The following ROBO2 variants were observed in gnomAD, a reference collection of about 807,000 sequenced individuals.
ROBO2 encodes roundabout homolog 2.
Under a neutral mutation model 160.8 loss-of-function variants are expected in ROBO2, and 53 were observed. The observed-to-expected ratio is 0.33, with a 90% confidence interval of 0.26 to 0.41. ROBO2 has a LOEUF of 0.41. Among genes scored for constraint, ROBO2 ranks in the 10% least tolerant of loss-of-function variants. The pLI is 1.00. For synonymous variants in ROBO2, 664 were observed against 611.7 expected (o/e 1.09, Z -1.26); for missense variants, 1,577 against 1,722.4 (o/e 0.92, Z 1.49).
intron 2 of ROBO2, among the ~76,000 whole-genome samples, chr3:77,287,531 G>C: frequency 6.6e-6 from 1 of 152,076 alleles, no homozygotes; most frequent in East Asian, 1.9e-4. Context: ...CTTGAAGCAC[G>C]TATTATTTCT....
At chr3:77,612,260 T>A (rs951681511) in intron 21 of ROBO2, among the ~76,000 whole-genome samples, 1 of 152,202 alleles carries the variant, frequency 6.6e-6, no homozygotes, top group Non-Finnish European at 1.5e-5. Flanking sequence ...TCAAATAAGA[T>A]GTATATCTGT....
At chr3:76,611,037 C>T (rs1472216679) in intron 2 of ROBO2, among the ~76,000 whole-genome samples, 1 of 152,114 alleles carries the variant, frequency 6.6e-6, no homozygotes, top group Non-Finnish European at 1.5e-5. Flanking sequence ...TTATGCTGGA[C>T]TTAGAACGGT....
chr3:76,773,888 T>G (rs1437008628), intron 2 of ROBO2, among the ~76,000 whole-genome samples: 1 of 150,856 alleles, frequency 6.6e-6, no homozygotes, highest in Non-Finnish European at 1.5e-5. Flanking sequence ...GGGACCTTAA[T>G]AACATGAGCT....
intron 2 of ROBO2, among the ~76,000 whole-genome samples, chr3:76,294,665 A>G (rs1448244998): frequency 1.3e-5 from 2 of 152,226 alleles, no homozygotes; most frequent in Non-Finnish European, 1.5e-5. Flanking sequence ...AGGAACTGTC[A>G]ATTACTTTTT....
chr3:76,981,838 A>G (rs2060115581), intron 2 of ROBO2, among the ~76,000 whole-genome samples: 1 of 152,080 alleles, frequency 6.6e-6, no homozygotes, highest in African/African-American at 2.4e-5. Flanking sequence ...AACAGGGGCA[A>G]GAGAGAGAGC....
At chr3:76,668,395 G>A (rs7653496) in intron 2 of ROBO2, among the ~76,000 whole-genome samples, 67,449 of 151,866 alleles carry the variant, frequency 0.44, 15,473 homozygotes, top group African/African-American at 0.55. Context: ...GGCTGCACCC[G>A]GCCCTTAAAT....
chr3:77,113,413 A>C (rs2073875839), intron 2 of ROBO2, among the ~76,000 whole-genome samples: 2 of 152,218 alleles, frequency 1.3e-5, no homozygotes, highest in African/African-American at 4.8e-5. Flanking sequence ...CTAAGTACTT[A>C]TTTGGTTCTT....
intron 2 of ROBO2, among the ~76,000 whole-genome samples, chr3:77,440,535 C>T (rs1172832347): frequency 2.6e-5 from 4 of 151,862 alleles, no homozygotes; most frequent in African/African-American, 9.7e-5. Context: ...TATCTTAGCC[C>T]ATATATATGG....
chr3:76,588,520 T>C (rs2086206166), intron 2 of ROBO2, among the ~76,000 whole-genome samples: 1 of 152,182 alleles, frequency 6.6e-6, no homozygotes, highest in South Asian at 2.1e-4. Context: ...TTGAAAAGCA[T>C]TTCAAAAAGA....
chr3:77,224,286 G>T (rs565705869), intron 2 of ROBO2, among the ~76,000 whole-genome samples: 56 of 152,042 alleles, frequency 3.7e-4, no homozygotes, highest in African/African-American at 1.3e-3. Flanking sequence ...GAAAGGCATT[G>T]AACATAGTTT....
intron 2 of ROBO2, among the ~76,000 whole-genome samples, chr3:76,517,826 C>T (rs1015746547): frequency 6.6e-6 from 1 of 152,052 alleles, no homozygotes. Flanking sequence ...CTTTTCCTCT[C>T]CTTGTGGAGA....
At chr3:77,419,888 T>C (rs75362074) in intron 2 of ROBO2, among the ~76,000 whole-genome samples, 2,339 of 152,236 alleles carry the variant, frequency 0.015, 62 homozygotes, top group African/African-American at 0.053. Context: ...ACCACCATAG[T>C]GTATTCCTGA....
At chr3:76,308,137 G>T (rs1697392242) in intron 2 of ROBO2, among the ~76,000 whole-genome samples, 2 of 152,238 alleles carry the variant, frequency 1.3e-5, no homozygotes, top group South Asian at 4.2e-4. Context: ...CCAGCACTTT[G>T]GGAGGCCAAG....
At position 76,983,972 on chromosome 3, in the gene ROBO2, T is replaced by C. The variant is rs972690323; in HGVS notation, c.110-114042T>C. 3.1e-4 allele frequency among the ~76,000 whole-genome samples: 47 copies of C among 152,306 alleles called. 1 individual carries two copies. Among genetic ancestry groups the C allele is most frequent in the African/African-American group, 1.1e-3 (46 of 41,568 alleles). On this transcript the variant is annotated intron_variant, in intron 2 of 26. Transcript: ENST00000487694. ...AGGAAACTTAACAATCATGGCAGAA[T>C]GCAAAGGAGACGCAGGCACCTTGTT...
intron 5 of ROBO2, among the ~76,000 whole-genome samples, chr3:77,515,194 G>A (rs1036248323): frequency 5.3e-5 from 8 of 151,666 alleles, no homozygotes; most frequent in African/African-American, 1.9e-4. Context: ...GACACTTAAG[G>A]TAAATATTCA....
intron 2 of ROBO2, among the ~76,000 whole-genome samples, chr3:76,287,456 C>T (rs1030156939): frequency 9.9e-5 from 15 of 151,820 alleles, no homozygotes; most frequent in East Asian, 1.9e-4. Context: ...CCACCATGCC[C>T]GAATAATTTT....
chr3:76,718,200 T>C (rs1454022924), intron 2 of ROBO2, among the ~76,000 whole-genome samples: 2 of 152,208 alleles, frequency 1.3e-5, no homozygotes, highest in Non-Finnish European at 1.5e-5. Flanking sequence ...AGGATTTTTG[T>C]GACATCCATC....
chr3:76,304,089 G>A (rs1475569992), intron 2 of ROBO2, among the ~76,000 whole-genome samples: 1 of 152,154 alleles, frequency 6.6e-6, no homozygotes, highest in Non-Finnish European at 1.5e-5. Context: ...TGTAATTGAA[G>A]TATTTATACA....
chr3:76,634,602 T>A (rs1452139123), intron 2 of ROBO2, among the ~76,000 whole-genome samples: 1 of 151,240 alleles, frequency 6.6e-6, no homozygotes, highest in Non-Finnish European at 1.5e-5. Flanking sequence ...TCAGTCAGAT[T>A]GAATTAAGGA....
Sources: gnomAD v4.1 joint callset for allele counts (sites outside exome capture counted in the v4.1 genomes callset) on GRCh38, gnomAD v4.1.1 for gene constraint, MANE v1.5 for transcripts, NCBI Gene and HGNC (gene_info 2026-07-23, HGNC 2026-07-21) for gene names.